Variants in AGAP1 observed in about 807,000 individuals in gnomAD.
The protein encoded by AGAP1 is ArfGAP with GTPase domain, ankyrin repeat and PH domain 1.
Under a neutral mutation model 105.3 loss-of-function variants are expected in AGAP1, and 29 were observed. That is an observed-to-expected ratio of 0.28 (90% CI 0.21 to 0.38). The LOEUF is 0.38. Among genes scored for constraint, AGAP1 ranks in the 10% least tolerant of loss-of-function variants. AGAP1 has a pLI of 1.00. For missense variants in AGAP1, 998 were observed against 1,165.1 expected (o/e 0.86, Z 2.09); for synonymous variants, 509 against 485.9 (o/e 1.05, Z -0.63).
At chr2:235,860,080 TTTC>T (rs944142088) in intron 9 of AGAP1, among the ~76,000 whole-genome samples, 4 of 152,322 alleles carry the variant, frequency 2.6e-5, no homozygotes, top group South Asian at 2.1e-4. Flanking sequence ...CTCAGTTTGT[TTTC>T]TTCTTCTCCT....
Position 235,753,839 on chromosome 2 carries a change from GTTAC to G in AGAP1, c.673+3354_673+3357del, listed in dbSNP as rs1004432269. Among the ~76,000 whole-genome samples, 2 of 152,030 alleles carry G rather than the reference GTTAC, an allele frequency of 1.3e-5. No homozygotes were observed. The highest frequency in any genetic ancestry group is 4.8e-5 in the African/African-American group (2 of 41,364). ...AGATAACATTTTTAAAATAAAATCA[GTTAC>G]TTTGTATATTTTATATCATAGTTAT... On this transcript the variant is annotated intron_variant, in intron 6 of 17. Transcript: ENST00000304032. The surrounding 1 kb of genome is among the most constrained non-coding windows in gnomAD (Gnocchi z 4.5).
intron 13 of AGAP1, among the ~76,000 whole-genome samples, chr2:236,034,957 C>T (rs1359346211): frequency 2.0e-5 from 3 of 152,190 alleles, no homozygotes; most frequent in African/African-American, 7.2e-5. Flanking sequence ...ATCTCTCAGC[C>T]ACAAAGAGGG....
At chr2:235,607,472 C>T (rs1433202074) in intron 1 of AGAP1, among the ~76,000 whole-genome samples, 1 of 152,262 alleles carries the variant, frequency 6.6e-6, no homozygotes, top group Non-Finnish European at 1.5e-5. Context: ...GCAGGAGGAG[C>T]TGTTCTGACT....
chr2:235,719,528 T>A lies in AGAP1; in HGVS notation c.310+1884T>A, dbSNP rs1374816718. Among the ~76,000 whole-genome samples, 1 of 152,238 alleles carries A rather than the reference T, an allele frequency of 6.6e-6. No homozygotes were observed. The highest frequency in any genetic ancestry group is 2.4e-5 in the African/African-American group (1 of 41,462). ...ATCACTAACATCCCTGCTTCTTTGA[T>A]TTTTCAAGTAATGCATTTTACTGCA... is the stretch of plus-strand genomic sequence containing the variant. On this transcript the variant is annotated intron_variant, in intron 3 of 17. Transcript: ENST00000304032. The surrounding 1 kb of genome is among the most constrained non-coding windows in gnomAD (Gnocchi z 4.9).
Position 235,734,660 on chromosome 2 carries a change from CAG to C in AGAP1, c.311-6300_311-6299del, listed in dbSNP as rs1434078633. The stretch of plus-strand genomic sequence containing the variant: ...CAGTGATGATTATTGGAGCTAAAGA[CAG>C]AGGCCACCCTTCCCAAGTGTGAGTG... On this transcript the variant is annotated intron_variant, in intron 3 of 17. Coordinates refer to ENST00000304032, the MANE Select transcript of AGAP1 (RefSeq NM_001037131.3). The surrounding 1 kb of genome is among the most constrained non-coding windows in gnomAD (Gnocchi z 5.3). Among the ~76,000 whole-genome samples, 2 of 152,194 alleles carry C rather than the reference CAG, an allele frequency of 1.3e-5. No individual in the cohort carries two copies. Among genetic ancestry groups the C allele is most frequent in the Admixed American group, 1.3e-4 (2 of 15,284 alleles).
intron 16 of AGAP1, among the ~76,000 whole-genome samples, chr2:236,100,574 C>G: frequency 6.6e-6 from 1 of 152,044 alleles, no homozygotes. Flanking sequence ...CCTGCAATCC[C>G]AGCACTTTGG....
chr2:236,120,318 G>A lies in AGAP1; in HGVS notation c.2241G>A (p.Thr747=), dbSNP rs756085880. 1.1e-5 allele frequency: 18 copies of A among 1,612,382 alleles called. No individual in the cohort carries two copies. Among genetic ancestry groups the A allele is most frequent in the South Asian group, 2.2e-5 (2 of 90,988 alleles). Residue 747 remains threonine (T), a synonymous_variant, in exon 17 of 18, where the codon ACG becomes ACA. Transcript: ENST00000304032. The surrounding 1 kb of genome is among the most constrained non-coding windows in gnomAD (Gnocchi z 6.0). ...CCACCGCCGACGAGGACCTGCGGAC[G>A]GCCATCCTGCTGCTGGCACACGGCT... ...LRATADEDLR[T]AILLLAHGSR...
At chr2:235,922,048 T>G (rs1482935581) in intron 11 of AGAP1, among the ~76,000 whole-genome samples, 1 of 152,242 alleles carries the variant, frequency 6.6e-6, no homozygotes, top group Non-Finnish European at 1.5e-5. Flanking sequence ...TAACGTCGCC[T>G]CCTTCATCCA....
intron 1 of AGAP1, among the ~76,000 whole-genome samples, chr2:235,496,121 G>A (rs1269668590): frequency 3.3e-5 from 5 of 152,216 alleles, no homozygotes; most frequent in African/African-American, 1.2e-4. Flanking sequence ...GGTGGAGAAA[G>A]TGGATGTTGT....
intron 16 of AGAP1, among the ~76,000 whole-genome samples, chr2:236,072,941 G>T (rs1247438343): frequency 6.6e-6 from 1 of 151,846 alleles, no homozygotes; most frequent in African/African-American, 2.4e-5. Context: ...CCCAGTGTAT[G>T]TAACATGTCA....
intron 13 of AGAP1, among the ~76,000 whole-genome samples, chr2:236,006,588 A>G (rs548048558): frequency 6.6e-6 from 1 of 152,370 alleles, no homozygotes; most frequent in African/African-American, 2.4e-5. Flanking sequence ...AATGGCTACA[A>G]CTATGTTAAT....
At chr2:235,848,936 C>T (rs1199201642) in intron 9 of AGAP1, among the ~76,000 whole-genome samples, 2 of 152,212 alleles carry the variant, frequency 1.3e-5, no homozygotes, top group Non-Finnish European at 2.9e-5. Context: ...TATCCCAAGA[C>T]TGATTTCCCT....
At chr2:235,711,248 G>A (rs1451141273) in intron 2 of AGAP1, among the ~76,000 whole-genome samples, 1 of 152,222 alleles carries the variant, frequency 6.6e-6, no homozygotes, top group Non-Finnish European at 1.5e-5. Context: ...AATTGAAATA[G>A]CCACACAGGG....
Position 236,113,163 on chromosome 2 carries a change from C to T in AGAP1, c.2115-7029C>T, listed in dbSNP as rs1220402587. On this transcript the variant is annotated intron_variant, in intron 16 of 17. Transcript: ENST00000304032. The surrounding 1 kb of genome is among the most constrained non-coding windows in gnomAD (Gnocchi z 4.3). ...GAGTTTGTTTTGTTTGTTTTTGAGA[C>T]GGAGTCTCGCTCTTTTGCCCAGGCT... Among the ~76,000 whole-genome samples the T allele has an allele frequency of 2.0e-5, 3 of 152,174 alleles. No homozygotes were observed. The East Asian group carries it at 5.8e-4, about 29-fold the overall frequency.
intron 6 of AGAP1, among the ~76,000 whole-genome samples, chr2:235,772,254 A>G (rs1014294635): frequency 2.0e-5 from 3 of 152,062 alleles, no homozygotes; most frequent in Admixed American, 6.5e-5. Flanking sequence ...AGCCTCCCAA[A>G]GTGCTGGGAT....
At chr2:235,985,069 A>G (rs965837536) in intron 13 of AGAP1, among the ~76,000 whole-genome samples, 2 of 152,202 alleles carry the variant, frequency 1.3e-5, no homozygotes, top group African/African-American at 4.8e-5. Flanking sequence ...ATTCCCACCA[A>G]CAGTGTAAAA....
rs899883471 is a variant in AGAP1, at chr2:235,622,597, G to T, written c.164-86582G>T. 6.6e-6 allele frequency among the ~76,000 whole-genome samples: 1 copy of T among 152,122 alleles called. No homozygotes were observed. Among genetic ancestry groups the T allele is most frequent in the Admixed American group, 6.6e-5 (1 of 15,254 alleles). On this transcript the variant is annotated intron_variant, in intron 1 of 17. Coordinates refer to ENST00000304032, the MANE Select transcript of AGAP1 (RefSeq NM_001037131.3). The surrounding 1 kb of genome is among the most constrained non-coding windows in gnomAD (Gnocchi z 5.0). The stretch of plus-strand genomic sequence containing the variant: ...GTGGACTCACTAAGTCAACTTTGAC[G>T]CTTCAGCCAACGTCGGTTTTGAGAA...
At chr2:236,032,899 G>T (rs969169530) in intron 13 of AGAP1, among the ~76,000 whole-genome samples, 5 of 152,166 alleles carry the variant, frequency 3.3e-5, no homozygotes, top group African/African-American at 1.2e-4. Flanking sequence ...CTAGACAAGG[G>T]AACTTTCTTC....
chr2:235,640,226 G>C (rs1037127656), intron 1 of AGAP1, among the ~76,000 whole-genome samples: 1 of 152,210 alleles, frequency 6.6e-6, no homozygotes, highest in Non-Finnish European at 1.5e-5. Flanking sequence ...TTAAGACCCT[G>C]TAACATTTCT....
Sources: allele counts gnomAD v4.1 joint callset (sites outside exome capture counted in the v4.1 genomes callset), GRCh38; gene constraint gnomAD v4.1.1; non-coding constraint Gnocchi (gnomAD v3.1); transcripts MANE v1.5; gene names NCBI Gene and HGNC (gene_info 2026-07-23, HGNC 2026-07-21).